The following WT1 variants were observed in gnomAD, a reference collection of about 807,000 sequenced individuals.
WT1 encodes the protein Wilms tumor protein.
Under a neutral mutation model 60.8 loss-of-function variants are expected in WT1, and 8 were observed. That is an observed-to-expected ratio of 0.13 (90% CI 0.08 to 0.24). The LOEUF (loss-of-function observed/expected upper bound fraction) is 0.24, where lower values mean the gene tolerates loss of function less well. WT1 is among the 10% of genes least tolerant of loss of function. The pLI, the probability that WT1 is intolerant of heterozygous loss-of-function variation, is 1.00. For synonymous variants in WT1, 312 were observed against 297.1 expected, an observed-to-expected ratio of 1.05 and a Z score of -0.52; for missense variants, 568 against 711.8, an observed-to-expected ratio of 0.80 and a Z score of 2.30.
In WT1 at chr11:32,428,596, C is replaced by G. The variant is rs767419243; in HGVS notation, c.685G>C (p.Gly229Arg). ...GGCGTGTGACCGTAGCTGGGCGTCC[C>G]GTCGAAGGTGACCGTGCTGTAACCT... is the stretch of plus-strand genomic sequence containing the variant. The change falls in exon 2 of 10, where the codon GGG becomes CGG. Residue 229 changes from glycine (G) to arginine (R), a missense_variant. By Grantham distance (125) the Gly-to-Arg change is moderately radical. This residue lies in a region of WT1 where 523 missense variants were observed against 565.1 expected (regional missense o/e 0.93). Coordinates refer to ENST00000452863, the MANE Select transcript of WT1 (RefSeq NM_024426.6). 2.5e-6 allele frequency: 4 copies of G among 1,613,758 alleles called. No individual in the cohort carries two copies. The highest frequency in any genetic ancestry group is 2.5e-6 in the Non-Finnish European group (3 of 1,180,014).
At chr11:32,416,659 CA>C in intron 4 of WT1, 119 bp from the exon 5 acceptor site, 1 of 1,281,216 alleles carries the variant, frequency 7.8e-7, no homozygotes, top group Non-Finnish European at 1.1e-6. Flanking sequence ...AGCTAGCTAT[CA>C]AGAGTGCTGA....
intron 5 of WT1, among the ~76,000 whole-genome samples, chr11:32,407,568 G>T (rs972602949): frequency 1.3e-5 from 2 of 152,114 alleles, no homozygotes; most frequent in African/African-American, 4.8e-5. Context: ...TCTCCCCTCT[G>T]CAGAGTTAAT....
chr11:32,415,225 T>C (rs1199270154), intron 5 of WT1, among the ~76,000 whole-genome samples: 1 of 152,188 alleles, frequency 6.6e-6, no homozygotes, highest in Non-Finnish European at 1.5e-5. Flanking sequence ...TTCACAATCA[T>C]GTTCTGTCTA....
chr11:32,427,979 C>A lies in WT1; in HGVS notation c.864G>T (p.Leu288Phe). ...ACCTGCTGTAGGGCGTCCTCAGCAG[C>A]AAAGCCTGGCTGCCGGTGCAGCTGT... The change falls in exon 3 of 10, where the codon TTG (leucine) becomes TTT (phenylalanine). Residue 288 changes from leucine to phenylalanine, a missense_variant. Leu to Phe is a conservative substitution (Grantham distance 22). This residue lies in a region of WT1 where 523 missense variants were observed against 565.1 expected (regional missense o/e 0.93). Coordinates refer to ENST00000452863, the MANE Select transcript of WT1 (RefSeq NM_024426.6). 1 of 1,611,836 alleles carries A rather than the reference C, an allele frequency of 6.2e-7. No homozygotes were observed. Among genetic ancestry groups the A allele is most frequent in the Non-Finnish European group, 8.5e-7 (1 of 1,179,206 alleles).
chr11:32,427,923 A>G (rs768268023), intron 3 of WT1, 33 bp downstream of exon 3: 6 of 1,579,738 alleles, frequency 3.8e-6, no homozygotes, highest in Non-Finnish European at 5.2e-6. Flanking sequence ...CGGGGTCCCA[A>G]GGACCCAGAC....
At chr11:32,409,441 T>C (rs1852425769) in intron 5 of WT1, among the ~76,000 whole-genome samples, 1 of 152,218 alleles carries the variant, frequency 6.6e-6, no homozygotes, top group South Asian at 2.1e-4. Context: ...AAAATAACTC[T>C]TATAAAGAAA....
At chr11:32,406,846 C>T (rs1852327165) in intron 5 of WT1, among the ~76,000 whole-genome samples, 1 of 152,060 alleles carries the variant, frequency 6.6e-6, no homozygotes, top group Non-Finnish European at 1.5e-5. Context: ...TGCTGGTAAT[C>T]CCAGCACTTT....
At chr11:32,424,527 G>A (rs7105964) in intron 3 of WT1, among the ~76,000 whole-genome samples, 16,503 of 152,108 alleles carry the variant, frequency 0.11, 1,306 homozygotes, top group African/African-American at 0.22. Flanking sequence ...ACTGGGTTCC[G>A]TAAGGGCAGA....
intron 6 of WT1, among the ~76,000 whole-genome samples, chr11:32,397,758 T>C (rs116557725): frequency 1.3e-3 from 202 of 152,348 alleles, no homozygotes; most frequent in African/African-American, 4.7e-3. Context: ...AAAGGTCATT[T>C]TCTTTTTTGG....
At chr11:32,405,684 C>T (rs1271213562) in intron 5 of WT1, among the ~76,000 whole-genome samples, 1 of 152,104 alleles carries the variant, frequency 6.6e-6, no homozygotes, top group South Asian at 2.1e-4. Flanking sequence ...TACAGCACTT[C>T]CCGCATCAGA....
In WT1 at chr11:32,396,391, G is replaced by A; in HGVS notation, c.1130C>T (p.Pro377Leu). 6.2e-7 allele frequency: 1 copy of A among 1,614,064 alleles called. No homozygotes were observed. The highest frequency in any genetic ancestry group is 8.5e-7 in the Non-Finnish European group (1 of 1,180,040). Residue 377 changes from proline (P) to leucine (L), a missense_variant, in exon 7 of 10, where the codon CCT becomes CTT. Physicochemically the swap from Pro to Leu is moderately conservative, Grantham distance 98. Transcript: ENST00000452863. ...CCGTACAAGAGTCGGGGCTACTCCA[G>A]GCACACGTCGCACATCCTGCAGGCA...
In WT1 at chr11:32,430,491, A is replaced by AGG. The variant is rs757737927; in HGVS notation, c.662-1873_662-1872insCC. The AGG allele has an allele frequency of 3.8e-6, 6 of 1,561,440 alleles. No homozygotes were observed. The African/African-American group carries it at 7.1e-5, about 18-fold the overall frequency. On this transcript the variant is annotated intron_variant, in intron 1 of 9. Transcript: ENST00000452863. ...GAGAGAGAGAGAGAGAGAGAGAGAG[A>AGG]CGAAATAGAAGCTACGAAGAAGTTT...
intron 5 of WT1, among the ~76,000 whole-genome samples, chr11:32,411,340 T>C (rs1852492471): frequency 1.3e-5 from 2 of 152,210 alleles, no homozygotes; most frequent in African/African-American, 4.8e-5. Flanking sequence ...CCATAAATAT[T>C]TTTTAAGAGG....
At chr11:32,397,748 A>G (rs1852016353) in intron 6 of WT1, among the ~76,000 whole-genome samples, 1 of 152,178 alleles carries the variant, frequency 6.6e-6, no homozygotes, top group South Asian at 2.1e-4. Context: ...CCCTGCACTG[A>G]AAGGTCATTT....
intron 5 of WT1, among the ~76,000 whole-genome samples, chr11:32,402,408 A>G (rs1310303741): frequency 1.3e-5 from 2 of 152,198 alleles, no homozygotes; most frequent in African/African-American, 4.8e-5. Flanking sequence ...AGGTGATGAC[A>G]ATGGCCATTT....
chr11:32,430,751 C>T, intron 1 of WT1: 1 of 1,337,062 alleles, frequency 7.5e-7, no homozygotes, highest in Non-Finnish European at 9.6e-7. Flanking sequence ...CAGACCTCGG[C>T]GGGCAAAGAC....
At chr11:32,430,684 G>A (rs1853272995) in intron 1 of WT1, 2 of 1,424,918 alleles carry the variant, frequency 1.4e-6, no homozygotes, top group Non-Finnish European at 9.1e-7. Context: ...CAGAACTCGG[G>A]CCCAAGGATG....
Position 32,428,037 on chromosome 11 carries a change from G to A in WT1, c.806C>T (p.Pro269Leu), listed in dbSNP as rs756078681. 1 of 1,608,898 alleles carries A rather than the reference G, an allele frequency of 6.2e-7. No homozygotes were observed. Among genetic ancestry groups the A allele is most frequent in the Non-Finnish European group, 8.5e-7 (1 of 1,177,154 alleles). Residue 269 changes from proline (P) to leucine (L), a missense_variant, in exon 3 of 10, where the codon CCG becomes CTG. Coordinates refer to ENST00000452863, the MANE Select transcript of WT1 (RefSeq NM_024426.6). ...GGTGTGGCAGCCATAGACCGGGGGC[G>A]GCACCGAGTACTGCTGCTCACCTGC... is the stretch of plus-strand genomic sequence containing the variant.
At chr11:32,433,418 CGTTTAGAAGGCGCGG>C (rs1204527245) in intron 1 of WT1, among the ~76,000 whole-genome samples, 1 of 152,180 alleles carries the variant, frequency 6.6e-6, no homozygotes, top group South Asian at 2.1e-4. Flanking sequence ...TGAAGACGCG[CGTTTAGAAGGCGCGG>C]GTGAAGGCGG....
Sources: gnomAD v4.1 joint callset for allele counts (sites outside exome capture counted in the v4.1 genomes callset) on GRCh38, gnomAD v4.1.1 for gene constraint, gnomAD v4.1.1 regional missense constraint, MANE v1.5 for transcripts, NCBI Gene and HGNC (gene_info 2026-07-23, HGNC 2026-07-21) for gene names.